Variants in OTOR observed in about 807,000 individuals in gnomAD.
OTOR encodes fibrocyte-derived protein.
Under a neutral mutation model 15.9 loss-of-function variants are expected in OTOR, and 20 were observed. The observed-to-expected ratio is 1.26, with a 90% confidence interval of 0.89 to 1.83. The LOEUF (loss-of-function observed/expected upper bound fraction) is 1.83, where lower values mean the gene tolerates loss of function less well. Ranked by LOEUF, OTOR falls within the 40% of genes most tolerant of loss-of-function variation. OTOR has a pLI of 0.00. For missense variants in OTOR, 184 were observed against 159.0 expected (o/e 1.16, Z -0.85); for synonymous variants, 53 against 54.2 (o/e 0.98, Z 0.09).
chr20:16,748,648 T>C (rs2072507853), intron 1 of OTOR, 132 bp downstream of exon 1: 5 of 709,100 alleles, frequency 7.1e-6, no homozygotes, highest in African/African-American at 3.6e-5. Context: ...TTGTTTCTTC[T>C]GGTCTGCATG....
chr20:16,750,270 T>A (rs1038739891), intron 3 of OTOR, among the ~76,000 whole-genome samples: 1 of 152,236 alleles, frequency 6.6e-6, no homozygotes, highest in Non-Finnish European at 1.5e-5. Context: ...CTATATTTTT[T>A]CAGCTTTATT....
At chr20:16,749,585 TA>T (rs139227035) in intron 2 of OTOR, 27 of 272,460 alleles carry the variant, frequency 9.9e-5, no homozygotes, top group South Asian at 1.9e-4. Flanking sequence ...TACAGTACTT[TA>T]AAAAAATGTA....
At position 16,749,964 on chromosome 20, in the gene OTOR, A is replaced by G. The variant is rs375688590; in HGVS notation, c.317A>G (p.Lys106Arg). 4 of 1,613,872 alleles carry G rather than the reference A, an allele frequency of 2.5e-6. No individual in the cohort carries two copies. In the African/African-American group the frequency reaches 5.3e-5, roughly 22 times the overall value. ...VVGYFPRNLV[K>R]EQRVYQEATK... ...GGTTATTTCCCCAGGAACTTGGTCA[A>G]GGAACAGCGTGTGTACCAGGAAGCT... The change falls in exon 3 of 4, where the codon AAG becomes AGG. Residue 106 changes from lysine (K) to arginine (R), a missense_variant. Lys to Arg is a conservative substitution (Grantham distance 26). Coordinates refer to ENST00000246081, the MANE Select transcript of OTOR (RefSeq NM_020157.4).
At chr20:16,748,745 C>A (rs2072508607) in intron 1 of OTOR, 122 bp from the exon 2 acceptor site, 1 of 793,750 alleles carries the variant, frequency 1.3e-6, no homozygotes, top group East Asian at 2.8e-5. Context: ...TGGATAGACA[C>A]CAGCTATGAA....
chr20:16,751,911 A>G lies in OTOR; in HGVS notation c.*793A>G, dbSNP rs572230258. 6.6e-6 allele frequency: 1 copy of G among 152,258 alleles called. No homozygotes were observed. Among genetic ancestry groups the G allele is most frequent in the East Asian group, 1.9e-4 (1 of 5,180 alleles). 9.4% of individuals were successfully genotyped at this position (152,258 alleles called of 1,614,324 possible). On this transcript the variant is annotated 3_prime_UTR_variant, in exon 4 of 4. Transcript: ENST00000246081. ...AAGTCATCAAAAGACCCAGAAAAAAAAAAGTCTGTAGGTTATTTTCTCTAC... is the reference window on the plus strand; with the variant it reads ...AAGTCATCAAAAGACCCAGAAAAAAGAAAGTCTGTAGGTTATTTTCTCTAC...
intron 3 of OTOR, among the ~76,000 whole-genome samples, chr20:16,750,236 A>G (rs2072521014): frequency 6.6e-6 from 1 of 152,154 alleles, no homozygotes; most frequent in Non-Finnish European, 1.5e-5. Flanking sequence ...ATTTCAGTTT[A>G]CTACTTTTTG....
chr20:16,751,399 C>T lies in OTOR; in HGVS notation c.*281C>T. On this transcript the variant is annotated 3_prime_UTR_variant, in exon 4 of 4. Transcript: ENST00000246081. ...AAATTATTTTTTCAACCTAGAGAATCTCCTCTTACAGGGGGATGCATATAA... is the reference window on the plus strand; with the variant it reads ...AAATTATTTTTTCAACCTAGAGAATTTCCTCTTACAGGGGGATGCATATAA... 3 of 397,636 alleles carry T rather than the reference C, an allele frequency of 7.5e-6. No individual in the cohort carries two copies. The highest frequency in any genetic ancestry group is 1.3e-5 in the Non-Finnish European group (3 of 222,950). 24.6% of individuals were successfully genotyped at this position (397,636 alleles called of 1,614,324 possible). A position where few individuals can be genotyped will look rare whatever the true frequency, so the allele number is the denominator to read the frequency against.
At chr20:16,750,538 A>G (rs929966504) in intron 3 of OTOR, among the ~76,000 whole-genome samples, 10 of 152,190 alleles carry the variant, frequency 6.6e-5, no homozygotes, top group African/African-American at 2.2e-4. Context: ...AAATAAAGAA[A>G]CCAAAGTCAG....
chr20:16,751,015 A>G (rs2072525635), intron 3 of OTOR, 80 bp from the exon 4 acceptor site: 2 of 1,065,700 alleles, frequency 1.9e-6, no homozygotes, highest in African/African-American at 1.6e-5. Flanking sequence ...ATTAGATATG[A>G]CTTTAAATAC....
Position 16,751,224 on chromosome 20 carries a change from T to A in OTOR, c.*106T>A. On this transcript the variant is annotated 3_prime_UTR_variant, in exon 4 of 4. Coordinates refer to ENST00000246081, the MANE Select transcript of OTOR (RefSeq NM_020157.4). ...TAATTTTGGACTGACGTTTTAAGAA[T>A]TTGTTACCTTACAGAAGAGCAAGGG... 1.3e-6 allele frequency: 1 copy of A among 781,542 alleles called. No homozygotes were observed. 48.4% of individuals were successfully genotyped at this position (781,542 alleles called of 1,614,324 possible).
In OTOR at chr20:16,751,190, G is replaced by T; in HGVS notation, c.*72G>T. 2 of 1,061,866 alleles carry T rather than the reference G, an allele frequency of 1.9e-6. No homozygotes were observed. The allele number at this position is 1,061,866 out of a possible 1,614,324, so 65.8% of individuals were successfully genotyped here. A position where few individuals can be genotyped will look rare whatever the true frequency, so the allele number is the denominator to read the frequency against. ...AAAAGAGCAAAAGTGGCCAAAAAAT[G>T]CATGTCTGTAATTTTGGACTGACGT... On this transcript the variant is annotated 3_prime_UTR_variant, in exon 4 of 4. Coordinates refer to ENST00000246081, the MANE Select transcript of OTOR (RefSeq NM_020157.4).
chr20:16,748,984 C>G lies in OTOR; in HGVS notation c.233C>G (p.Ala78Gly). The G allele has an allele frequency of 6.3e-7, 1 of 1,598,022 alleles. No homozygotes were observed. Among genetic ancestry groups the G allele is most frequent in the Non-Finnish European group, 8.5e-7 (1 of 1,176,164 alleles). ...TCAAAGCTGGTAAAAGAAAATGGAG[C>G]TGGAGAATTTTGGGCTGGCAGTGTA... ...VYSKLVKENG[A>G]GEFWAGSVYG... Residue 78 changes from alanine (A) to glycine (G), a missense_variant, in exon 2 of 4, where the codon GCT becomes GGT. Ala to Gly is a moderately conservative substitution (Grantham distance 60). Transcript: ENST00000246081.
intron 2 of OTOR, chr20:16,749,701 A>G (rs940961516): frequency 7.3e-6 from 4 of 549,746 alleles, no homozygotes; most frequent in South Asian, 2.6e-5. Context: ...CTGGGCCACT[A>G]AACAGTAGAT....
At chr20:16,749,790 A>T in intron 2 of OTOR, 113 bp from the exon 3 acceptor site, 1 of 706,560 alleles carries the variant, frequency 1.4e-6, no homozygotes, top group South Asian at 1.7e-5. Context: ...CCGGAGTGAA[A>T]GGGAGGTATT....
At chr20:16,748,825 CA>C in intron 1 of OTOR, 41 bp from the exon 2 acceptor site, 1 of 1,480,420 alleles carries the variant, frequency 6.8e-7, no homozygotes, top group Non-Finnish European at 9.1e-7. Context: ...TTATAAAATT[CA>C]GGAGCCTAAA....
Position 16,749,913 on chromosome 20 carries a change from A to G in OTOR, c.266A>G (p.Asp89Gly). 1.2e-6 allele frequency: 2 copies of G among 1,611,934 alleles called. No homozygotes were observed. The highest frequency in any genetic ancestry group is 1.7e-6 in the Non-Finnish European group (2 of 1,178,132). Reference sequence around the variant, plus strand: ...CTTCTGGGCACTTAGGTTTATGGTGATGGCCAGGACGAGATGGGAGTCGTG... The same window carrying G: ...CTTCTGGGCACTTAGGTTTATGGTGGTGGCCAGGACGAGATGGGAGTCGTG... ...GEFWAGSVYGDGQDEMGVVGY... is the reference protein window; with the variant it reads ...GEFWAGSVYGGGQDEMGVVGY... The change falls in exon 3 of 4, where the codon GAT becomes GGT. Residue 89 changes from aspartate (D) to glycine (G), a missense_variant. By Grantham distance (94) the Asp-to-Gly change is moderately conservative. Coordinates refer to ENST00000246081, the MANE Select transcript of OTOR (RefSeq NM_020157.4).
chr20:16,750,067 G>T, intron 3 of OTOR, 57 bp downstream of exon 3: 2 of 1,174,828 alleles, frequency 1.7e-6, no homozygotes. Flanking sequence ...ATGTAGGCCG[G>T]TGTTAAAAAT....
rs904730845 is a variant in OTOR, at chr20:16,751,209, C to T, written c.*91C>T. On this transcript the variant is annotated 3_prime_UTR_variant, in exon 4 of 4. Coordinates refer to ENST00000246081, the MANE Select transcript of OTOR (RefSeq NM_020157.4). ...AAAAATGCATGTCTGTAATTTTGGA[C>T]TGACGTTTTAAGAATTTGTTACCTT... 1 of 895,828 alleles carries T rather than the reference C, an allele frequency of 1.1e-6. No homozygotes were observed. Among genetic ancestry groups the T allele is most frequent in the South Asian group, 1.6e-5 (1 of 61,270 alleles). 55.5% of individuals were successfully genotyped at this position (895,828 alleles called of 1,614,324 possible).
rs190853666 is a variant in OTOR at position 16,750,111 on chromosome 20, G to A, written c.363+101G>A. The A allele has an allele frequency of 1.3e-4, 94 of 733,506 alleles. No individual in the cohort carries two copies. The East Asian group carries it at 2.2e-3, about 17-fold the overall frequency. The allele number at this position is 733,506 out of a possible 1,614,324, so 45.4% of individuals were successfully genotyped here. A position where few individuals can be genotyped will look rare whatever the true frequency, so the allele number is the denominator to read the frequency against. On this transcript the variant is annotated intron_variant, in intron 3 of 3. Transcript: ENST00000246081. ...CAACTTACAAGTTGTATAGAACAAA[G>A]CCTCCAACTTTCAGTGGCGACTTTT...
Sources: gnomAD v4.1 joint callset for allele counts (sites outside exome capture counted in the v4.1 genomes callset) on GRCh38, gnomAD v4.1.1 for gene constraint, MANE v1.5 for transcripts, NCBI Gene and HGNC (gene_info 2026-07-23, HGNC 2026-07-21) for gene names.